Variants in COMMD6 observed in about 807,000 individuals in gnomAD.
The protein encoded by COMMD6 is COMM domain-containing protein 6.
COMMD6 carries 11 observed loss-of-function variants against 13.4 expected under a neutral mutation model. That is an observed-to-expected ratio of 0.82 (90% CI 0.52 to 1.36). COMMD6 has a LOEUF of 1.36. Ranked by LOEUF, COMMD6 falls within the 40% of genes most tolerant of loss-of-function variation. The probability of loss-of-function intolerance (pLI) is 0.00; values close to 1 mark genes in which losing one functional copy is unlikely to be tolerated. For missense variants in COMMD6, 124 were observed against 102.4 expected, an observed-to-expected ratio of 1.21 and a Z score of -0.91; for synonymous variants, 43 against 36.5, an observed-to-expected ratio of 1.18 and a Z score of -0.64.
chr13:75,542,971 T>C (rs1675691119), upstream of COMMD6, among the ~76,000 whole-genome samples: 1 of 152,218 alleles, frequency 6.6e-6, no homozygotes. Context: ...AAAGAAAATG[T>C]ACATATACAC....
chr13:75,535,270 C>G (rs2030625089), intron 2 of COMMD6, among the ~76,000 whole-genome samples: 2 of 152,176 alleles, frequency 1.3e-5, no homozygotes, highest in South Asian at 4.1e-4. Context: ...AGGAATCCAT[C>G]TTCGAAGGGC....
chr13:75,535,342 C>T (rs1951226639), intron 2 of COMMD6, among the ~76,000 whole-genome samples: 1 of 152,150 alleles, frequency 6.6e-6, no homozygotes, highest in South Asian at 2.1e-4. Flanking sequence ...TCTTAAAAAG[C>T]TCTGAGTAGC....
intron 3 of COMMD6, chr13:75,529,879 T>C: frequency 2.4e-6 from 1 of 419,398 alleles, no homozygotes; most frequent in Non-Finnish European, 4.2e-6. Flanking sequence ...AGAGGAGTAC[T>C]GTTCAAGCGA....
intron 2 of COMMD6, 174 bp downstream of exon 2, chr13:75,537,490 A>T: frequency 6.4e-7 from 1 of 1,554,518 alleles, no homozygotes; most frequent in Non-Finnish European, 8.7e-7. Flanking sequence ...TTACAATGGC[A>T]ACGGCTACCG....
intron 1 of COMMD6, among the ~76,000 whole-genome samples, chr13:75,544,047 T>C (rs1400658733): frequency 6.6e-6 from 1 of 152,120 alleles, no homozygotes; most frequent in Admixed American, 6.5e-5. Flanking sequence ...TTTCTGCTAA[T>C]TGACTGTTTT....
upstream of COMMD6, among the ~76,000 whole-genome samples, chr13:75,540,511 G>A (rs931744350): frequency 2.0e-5 from 3 of 152,074 alleles, no homozygotes; most frequent in African/African-American, 7.2e-5. Context: ...TTCAACATGA[G>A]TGCACTTCAA....
At chr13:75,547,988 G>A (rs2030935799) in intron 1 of COMMD6, among the ~76,000 whole-genome samples, 1 of 152,356 alleles carries the variant, frequency 6.6e-6, no homozygotes, top group Admixed American at 6.5e-5. Flanking sequence ...CTGCTGGGAT[G>A]CAAACTGTCT....
upstream of COMMD6, among the ~76,000 whole-genome samples, chr13:75,540,032 G>A (rs1197163133): frequency 8.1e-5 from 12 of 147,588 alleles, no homozygotes; most frequent in Admixed American, 3.4e-4. Flanking sequence ...GTGCAGTGGC[G>A]TGATCTCACC....
At chr13:75,546,558 C>A (rs1397919007) in intron 1 of COMMD6, among the ~76,000 whole-genome samples, 1 of 150,906 alleles carries the variant, frequency 6.6e-6, no homozygotes, top group African/African-American at 2.4e-5. Context: ...TATTAAATTT[C>A]CAAAGATGTA....
At chr13:75,547,194 C>A (rs1439674569) in intron 1 of COMMD6, among the ~76,000 whole-genome samples, 1 of 151,950 alleles carries the variant, frequency 6.6e-6, no homozygotes, top group Non-Finnish European at 1.5e-5. Flanking sequence ...AATTCACTGA[C>A]AAAAATCTCA....
Position 75,537,816 on chromosome 13 carries a change from T to C in COMMD6, c.-11A>G, listed in dbSNP as rs750010693. On this transcript the variant is annotated 5_prime_UTR_variant, in exon 1 of 4. Transcript: ENST00000682242. ...GCTGGACGCCTCCATGGGCAGCGTCTGGGACTTGCGGCCCGGACTCGAGAG... is the reference window on the plus strand; with the variant it reads ...GCTGGACGCCTCCATGGGCAGCGTCCGGGACTTGCGGCCCGGACTCGAGAG... The C allele has an allele frequency of 6.3e-6, 10 of 1,594,688 alleles. No individual in the cohort carries two copies. The highest frequency in any genetic ancestry group is 2.2e-5 in the East Asian group (1 of 44,600).
chr13:75,544,931 A>AAAAAAC (rs2030882183), intron 1 of COMMD6, among the ~76,000 whole-genome samples: 1 of 150,830 alleles, frequency 6.6e-6, no homozygotes, highest in Admixed American at 6.6e-5. Context: ...GTCTCCAAAA[A>AAAAAAC]AAAAAAAAAA....
At chr13:75,535,855 A>G (rs1048841802) in intron 2 of COMMD6, among the ~76,000 whole-genome samples, 11 of 152,082 alleles carry the variant, frequency 7.2e-5, no homozygotes, top group African/African-American at 2.7e-4. Context: ...AAACTTTTAA[A>G]TATCTTTTAT....
chr13:75,544,933 A>AAAAAAAAC (rs1555271507), intron 1 of COMMD6, among the ~76,000 whole-genome samples: 2 of 151,076 alleles, frequency 1.3e-5, no homozygotes, highest in African/African-American at 4.8e-5. Flanking sequence ...CTCCAAAAAA[A>AAAAAAAAC]AAAAAAAAAC....
intron 1 of COMMD6, among the ~76,000 whole-genome samples, chr13:75,545,522 C>T (rs1051044903): frequency 4.0e-5 from 6 of 151,332 alleles, no homozygotes; most frequent in African/African-American, 1.5e-4. Flanking sequence ...GCTGGAGTGC[C>T]GTGGCGGTGG....
At chr13:75,544,617 G>T (rs1424723004) in intron 1 of COMMD6, among the ~76,000 whole-genome samples, 4 of 152,020 alleles carry the variant, frequency 2.6e-5, no homozygotes, top group Non-Finnish European at 4.4e-5. Context: ...ACAAAAATTA[G>T]CCGGGTGTGG....
upstream of COMMD6, among the ~76,000 whole-genome samples, chr13:75,538,278 C>T (rs1212063506): frequency 6.6e-6 from 1 of 152,214 alleles, no homozygotes; most frequent in African/African-American, 2.4e-5. Context: ...TAGCTGTGGG[C>T]GGGGCATGCT....
chr13:75,548,355 C>T (rs796130147), intron 1 of COMMD6, among the ~76,000 whole-genome samples: 36 of 152,304 alleles, frequency 2.4e-4, no homozygotes, highest in African/African-American at 6.5e-4. Context: ...AGTCAAAGAA[C>T]AGTGGCCAGA....
intron 2 of COMMD6, 31 bp from the exon 3 acceptor site, chr13:75,530,297 A>G (rs371024694): frequency 2.6e-6 from 4 of 1,539,654 alleles, no homozygotes; most frequent in Non-Finnish European, 3.5e-6. Flanking sequence ...ATAATACATT[A>G]GTAGTAACAT....
Sources: allele counts gnomAD v4.1 joint callset (sites outside exome capture counted in the v4.1 genomes callset), GRCh38; gene constraint gnomAD v4.1.1; transcripts MANE v1.5; gene names NCBI Gene and HGNC (gene_info 2026-07-23, HGNC 2026-07-21).